Variants in ARAP2 observed in about 807,000 individuals in gnomAD.
ARAP2 encodes arf-GAP with Rho-GAP domain, ANK repeat and PH domain-containing protein 2.
A neutral mutation model predicts 194.5 loss-of-function variants in ARAP2; 148 were observed. The ratio of observed to expected loss-of-function variants is 0.76; its 90% CI spans 0.67 to 0.87. The LOEUF (loss-of-function observed/expected upper bound fraction) is 0.87. Among genes scored for constraint, ARAP2 ranks in the 40% least tolerant of loss-of-function variants. The pLI, the probability that ARAP2 is intolerant of heterozygous loss-of-function variation, is 0.00. For missense variants in ARAP2, 2,128 were observed against 1,989.7 expected (o/e 1.07, Z -1.32); for synonymous variants, 695 against 683.5 (o/e 1.02, Z -0.26).
chr4:36,048,376 C>G (rs1481341132), intron 3 of ARAP2, among the ~76,000 whole-genome samples: 1 of 152,050 alleles, frequency 6.6e-6, no homozygotes, highest in Non-Finnish European at 1.5e-5. Flanking sequence ...TCTTTCCTCC[C>G]TCTAGTAGTC....
intron 8 of ARAP2, among the ~76,000 whole-genome samples, chr4:36,183,111 G>T (rs961397805): frequency 6.6e-6 from 1 of 152,036 alleles, no homozygotes; most frequent in African/African-American, 2.4e-5. Flanking sequence ...TCATAATGAA[G>T]TCTTCAAAGG....
intron 1 of ARAP2, among the ~76,000 whole-genome samples, chr4:36,235,842 T>C (rs1018573676): frequency 6.6e-6 from 1 of 152,130 alleles, no homozygotes; most frequent in Non-Finnish European, 1.5e-5. Context: ...AGGTATAAAT[T>C]AGAAACATTC....
chr4:36,010,445 C>T (rs1176979575), intron 9 of ARAP2, among the ~76,000 whole-genome samples: 1 of 152,032 alleles, frequency 6.6e-6, no homozygotes, highest in African/African-American at 2.4e-5. Context: ...GAGCCATCTA[C>T]TGCCTATTTG....
chr4:36,153,328 G>A (rs1458472335), intron 15 of ARAP2, among the ~76,000 whole-genome samples: 1 of 152,130 alleles, frequency 6.6e-6, no homozygotes, highest in Non-Finnish European at 1.5e-5. Context: ...AGATTATATT[G>A]AATGATACTG....
Position 36,091,932 on chromosome 4 carries a change from G to T in ARAP2, c.4374C>A (p.Asp1458Glu), listed in dbSNP as rs891183808. 6.2e-7 allele frequency: 1 copy of T among 1,607,838 alleles called. No homozygotes were observed. Among genetic ancestry groups the T allele is most frequent in the Non-Finnish European group, 8.5e-7 (1 of 1,175,730 alleles). Residue 1458 changes from aspartate (D) to glutamate (E), a missense_variant, in exon 28 of 33, where the codon GAC (aspartate) becomes GAA (glutamate). Physicochemically the swap from Asp to Glu is conservative, Grantham distance 45. Coordinates refer to ENST00000303965, the MANE Select transcript of ARAP2 (RefSeq NM_015230.4). ...ACCCATCTCGTAAAACAAAATACCG[G>T]TCTTGAAACTTATTTCCAGATAGTA... Reference protein sequence around the residue: ...SKILSGNKFQDRYFVLRDGFL... With the variant: ...SKILSGNKFQERYFVLRDGFL...
At chr4:36,023,408 C>T (rs1166954994) in intron 5 of ARAP2, among the ~76,000 whole-genome samples, 4 of 152,094 alleles carry the variant, frequency 2.6e-5, no homozygotes, top group Non-Finnish European at 5.9e-5. Context: ...CAAATTATTG[C>T]ATGATCATCT....
intron 6 of ARAP2, among the ~76,000 whole-genome samples, chr4:36,017,431 CAG>C (rs1716028516): frequency 6.6e-6 from 1 of 151,174 alleles, no homozygotes; most frequent in East Asian, 1.9e-4. Context: ...TGATGAGAAA[CAG>C]AGAAAAACAC....
At chr4:36,033,889 A>G (rs533916857) in intron 5 of ARAP2, among the ~76,000 whole-genome samples, 3 of 152,050 alleles carry the variant, frequency 2.0e-5, no homozygotes, top group Non-Finnish European at 2.9e-5. Flanking sequence ...TCTCAGCACC[A>G]TTTATTGAAT....
intron 6 of ARAP2, among the ~76,000 whole-genome samples, chr4:36,201,415 T>A (rs1744336283): frequency 6.6e-6 from 1 of 152,250 alleles, no homozygotes; most frequent in African/African-American, 2.4e-5. Context: ...TGCAAAGTAC[T>A]TCAGAATTCC....
At chr4:36,142,567 T>C (rs1510650) in intron 19 of ARAP2, among the ~76,000 whole-genome samples, 142,693 of 151,450 alleles carry the variant, frequency 0.94, 67,291 homozygotes, top group African/African-American at 0.98. Context: ...TCACTTATCT[T>C]ATGGAGTATG....
intron 22 of ARAP2, among the ~76,000 whole-genome samples, chr4:36,123,300 G>A (rs1293903101): frequency 6.6e-6 from 1 of 151,716 alleles, no homozygotes; most frequent in Non-Finnish European, 1.5e-5. Context: ...ACTGATGGAG[G>A]AAATACTCTT....
chr4:36,045,129 T>C (rs566199036), intron 5 of ARAP2, among the ~76,000 whole-genome samples: 10 of 152,288 alleles, frequency 6.6e-5, no homozygotes, highest in African/African-American at 1.9e-4. Flanking sequence ...GAAAACAGTA[T>C]GGAGTTTCCT....
intron 15 of ARAP2, chr4:36,157,449 C>A (rs1472253613): frequency 6.6e-6 from 1 of 151,036 alleles, no homozygotes; most frequent in Non-Finnish European, 1.5e-5. Context: ...ATGACAAAAA[C>A]CAATTGTCGA....
Position 36,160,540 on chromosome 4 carries a change from T to A in ARAP2, c.2361A>T (p.Lys787Asn). 2.5e-6 allele frequency: 4 copies of A among 1,573,712 alleles called. No individual in the cohort carries two copies. Among genetic ancestry groups the A allele is most frequent in the Non-Finnish European group, 3.4e-6 (4 of 1,165,426 alleles). ...LHMDSPVEKR[K>N]NFITQKYKEG... ...CTTTATATTTCTGAGTAATAAAGTTTTTTCTCTTTTCTACTGGTGAGTCCA... is the reference window on the plus strand; with the variant it reads ...CTTTATATTTCTGAGTAATAAAGTTATTTCTCTTTTCTACTGGTGAGTCCA... The change falls in exon 13 of 33, where the codon AAA (lysine) becomes AAT (asparagine). Residue 787 changes from lysine to asparagine, a missense_variant. Lys to Asn is a moderately conservative substitution (Grantham distance 94). Coordinates refer to ENST00000303965, the MANE Select transcript of ARAP2 (RefSeq NM_015230.4).
In ARAP2 at chr4:36,147,329, T is replaced by A. The variant is rs770148462; in HGVS notation, c.3230A>T (p.Lys1077Ile). The A allele has an allele frequency of 1.2e-6, 2 of 1,612,968 alleles. No individual in the cohort carries two copies. Among genetic ancestry groups the A allele is most frequent in the South Asian group, 2.2e-5 (2 of 90,990 alleles). Residue 1077 changes from lysine (K) to isoleucine (I), a missense_variant, in exon 19 of 33, where the codon AAA (lysine) becomes ATA (isoleucine). By Grantham distance (102) the Lys-to-Ile change is moderately radical. Transcript: ENST00000303965. ...TISTMVQNGEKLDVLLLVEKG... is the reference protein window; with the variant it reads ...TISTMVQNGEILDVLLLVEKG... ...TTCTACCAAGAGTAAAACATCCAGT[T>A]TTTCCCCATTTTGAACCATTGTGCT...
intron 5 of ARAP2, chr4:36,045,864 A>T (rs1007945715): frequency 6.6e-6 from 1 of 152,156 alleles, no homozygotes; most frequent in South Asian, 2.1e-4. Flanking sequence ...TAAATACAGA[A>T]AAAACTCAAA....
intron 32 of ARAP2, among the ~76,000 whole-genome samples, chr4:36,070,770 T>C (rs1726663436): frequency 6.6e-6 from 1 of 152,228 alleles, no homozygotes; most frequent in African/African-American, 2.4e-5. Flanking sequence ...ATCTTCATGT[T>C]GTAAAATACA....
At chr4:36,018,374 T>A (rs1560272273) in intron 6 of ARAP2, among the ~76,000 whole-genome samples, 1 of 151,638 alleles carries the variant, frequency 6.6e-6, no homozygotes, top group East Asian at 1.9e-4. Context: ...GCTCTGCACT[T>A]GACCAACAGC....
intron 27 of ARAP2, among the ~76,000 whole-genome samples, chr4:36,093,368 T>A (rs545346866): frequency 1.5e-4 from 23 of 151,998 alleles, no homozygotes; most frequent in Admixed American, 2.0e-4. Flanking sequence ...TTATTTTTTT[T>A]AAAAAAAGAA....
Sources: allele counts gnomAD v4.1 joint callset (sites outside exome capture counted in the v4.1 genomes callset), GRCh38; gene constraint gnomAD v4.1.1; transcripts MANE v1.5; gene names NCBI Gene and HGNC (gene_info 2026-07-23, HGNC 2026-07-21).